Variants in WNT2B observed in about 807,000 individuals in gnomAD.
WNT2B encodes Wnt family member 2B.
A neutral mutation model predicts 40.5 loss-of-function variants in WNT2B; 19 were observed. The ratio of observed to expected loss-of-function variants is 0.47; its 90% CI spans 0.33 to 0.69. The LOEUF (loss-of-function observed/expected upper bound fraction) is 0.69. Among genes scored for constraint, WNT2B ranks in the 30% least tolerant of loss-of-function variants. WNT2B has a pLI of 0.02. For synonymous variants in WNT2B, 220 were observed against 211.9 expected (o/e 1.04, Z -0.33); for missense variants, 467 against 556.4 (o/e 0.84, Z 1.62).
chr1:112,487,129 A>G (rs541584098), intron 1 of WNT2B, among the ~76,000 whole-genome samples: 1 of 152,382 alleles, frequency 6.6e-6, no homozygotes, highest in Non-Finnish European at 1.5e-5. Flanking sequence ...ATGGAATACT[A>G]TTCAACAATA....
Position 112,525,797 on chromosome 1 carries a change from G to A in WNT2B, c.*5288G>A, listed in dbSNP as rs534800096. On this transcript the variant is annotated 3_prime_UTR_variant, in exon 5 of 5. Coordinates refer to ENST00000369684, the MANE Select transcript of WNT2B (RefSeq NM_024494.3). ...AGGCTAAGCTGAATGAAGAAAAAAGGAAGACAATTTCATCTACAGTTGTCC... is the reference window on the plus strand; with the variant it reads ...AGGCTAAGCTGAATGAAGAAAAAAGAAAGACAATTTCATCTACAGTTGTCC... 9 of 548,260 alleles carry A rather than the reference G, an allele frequency of 1.6e-5. No homozygotes were observed. Among genetic ancestry groups the A allele is most frequent in the Middle Eastern group, 9.7e-4 (2 of 2,052 alleles). 34.0% of individuals were successfully genotyped at this position (548,260 alleles called of 1,614,324 possible).
upstream of WNT2B, among the ~76,000 whole-genome samples, chr1:112,505,998 A>AT (rs963556467): frequency 1.2e-4 from 18 of 151,682 alleles, no homozygotes; most frequent in Non-Finnish European, 2.1e-4. Flanking sequence ...ATGCTTTAAA[A>AT]TTTTTTTTAT....
Position 112,484,246 on chromosome 1 carries a change from C to CATATATATACATAT in WNT2B, c.-95+16666_-95+16667insTATATATATATACA, listed in dbSNP as rs1651332611. ...ATATATATATACACATATATATACA[C>CATATATATACATAT]ATATATATACACATATATATATACA... On this transcript the variant is annotated intron_variant, in intron 1 of 4. Transcript: ENST00000256640. 1.5e-3 allele frequency among the ~76,000 whole-genome samples: 179 copies of CATATATATACATAT among 116,712 alleles called. 2 individuals are homozygous for CATATATATACATAT. The highest frequency in any genetic ancestry group is 7.0e-3 in the African/African-American group (170 of 24,238). The allele number at this position is 116,712 out of a possible 152,430, so 76.6% of individuals were successfully genotyped here.
chr1:112,482,894 C>T (rs1486861639), intron 1 of WNT2B, among the ~76,000 whole-genome samples: 2 of 152,158 alleles, frequency 1.3e-5, no homozygotes, highest in Non-Finnish European at 2.9e-5. Context: ...AACGCCATCC[C>T]TATCAAAATC....
At chr1:112,494,477 T>A (rs977578292) in intron 1 of WNT2B, among the ~76,000 whole-genome samples, 4 of 151,388 alleles carry the variant, frequency 2.6e-5, no homozygotes, top group Non-Finnish European at 5.9e-5. Context: ...CCAGCAATCA[T>A]CCTGCCTCAG....
rs1308043578 is a variant in WNT2B at position 112,509,283 on chromosome 1, G to A, written c.21G>A (p.Ala7=). MLRPGG[A]EEAAQLPLRR... ...GAGCTATGCTGAGACCGGGTGGTGC[G>A]GAGGAAGCTGCGCAGCTCCCGCTTC... The change falls in exon 1 of 5, where the codon GCG becomes GCA. Residue 7 remains alanine (A), a synonymous_variant. Coordinates refer to ENST00000369684, the MANE Select transcript of WNT2B (RefSeq NM_024494.3). The surrounding 1 kb of genome is among the most constrained non-coding windows in gnomAD (Gnocchi z 4.2). 6.5e-7 allele frequency: 1 copy of A among 1,539,686 alleles called. No individual in the cohort carries two copies. Among genetic ancestry groups the A allele is most frequent in the East Asian group, 2.5e-5 (1 of 40,474 alleles).
chr1:112,484,342 C>T (rs1430523744), intron 1 of WNT2B, among the ~76,000 whole-genome samples: 1 of 148,908 alleles, frequency 6.7e-6, no homozygotes, highest in Non-Finnish European at 1.5e-5. Flanking sequence ...TCACTTGTCA[C>T]CCAGGCTGGA....
intron 1 of WNT2B, among the ~76,000 whole-genome samples, chr1:112,512,401 G>A (rs3790608): frequency 0.13 from 19,915 of 152,202 alleles, 1,424 homozygotes; most frequent in South Asian, 0.15. Context: ...ATTCTGTTAC[G>A]GTAGGCCTTG....
Position 112,509,272 on chromosome 1 carries a change from C to T in WNT2B, c.10C>T (p.Pro4Ser). 6.5e-7 allele frequency: 1 copy of T among 1,532,044 alleles called. No homozygotes were observed. Among genetic ancestry groups the T allele is most frequent in the East Asian group, 2.5e-5 (1 of 39,866 alleles). 94.9% of individuals were successfully genotyped at this position (1,532,044 alleles called of 1,614,324 possible). The change falls in exon 1 of 5, where the codon CCG (proline) becomes TCG (serine). Residue 4 changes from proline to serine, a missense_variant. Pro to Ser is a moderately conservative substitution (Grantham distance 74). Around this residue, in one of 2 missense-constraint regions of WNT2B, gnomAD observed 137 missense variants for 117.7 expected, o/e 1.16. Transcript: ENST00000369684. The surrounding 1 kb of genome is among the most constrained non-coding windows in gnomAD (Gnocchi z 4.2). MLR[P>S]GGAEEAAQLP... ...GAGTCTTCGGGGAGCTATGCTGAGA[C>T]CGGGTGGTGCGGAGGAAGCTGCGCA...
Position 112,520,658 on chromosome 1 carries a change from G to T in WNT2B, c.*149G>T. The T allele has an allele frequency of 1.2e-6, 1 of 808,582 alleles. No individual in the cohort carries two copies. Among genetic ancestry groups the T allele is most frequent in the South Asian group, 1.8e-5 (1 of 55,962 alleles). 50.1% of individuals were successfully genotyped at this position (808,582 alleles called of 1,614,324 possible). Reference sequence around the variant, plus strand: ...GAGAGTAATCCATAGGGACCATGGTGTCCTGGCTGGTTCCTTAGCCCTGGG... The same window carrying T: ...GAGAGTAATCCATAGGGACCATGGTTTCCTGGCTGGTTCCTTAGCCCTGGG... On this transcript the variant is annotated 3_prime_UTR_variant, in exon 5 of 5. Coordinates refer to ENST00000369684, the MANE Select transcript of WNT2B (RefSeq NM_024494.3).
intron 1 of WNT2B, among the ~76,000 whole-genome samples, chr1:112,477,368 A>T (rs572613435): frequency 6.6e-6 from 1 of 152,344 alleles, no homozygotes; most frequent in South Asian, 2.1e-4. Flanking sequence ...CAGCATCTTC[A>T]TGCCCACTTA....
At chr1:112,489,372 A>G (rs923837380) in intron 1 of WNT2B, among the ~76,000 whole-genome samples, 3 of 152,066 alleles carry the variant, frequency 2.0e-5, no homozygotes, top group African/African-American at 7.2e-5. Flanking sequence ...CAGCATGGCC[A>G]ACATGGTGAA....
At chr1:112,485,460 C>CA (rs55872721) in intron 1 of WNT2B, among the ~76,000 whole-genome samples, 4,098 of 129,048 alleles carry the variant, frequency 0.032, 172 homozygotes, top group African/African-American at 0.11. Context: ...GACTCTGTCT[C>CA]AAAAAAAAAA....
intron 1 of WNT2B, among the ~76,000 whole-genome samples, chr1:112,495,983 G>A (rs2101068871): frequency 6.6e-6 from 1 of 152,224 alleles, no homozygotes; most frequent in South Asian, 2.1e-4. Context: ...CCTTATATAA[G>A]GGCATCTAAT....
intron 1 of WNT2B, among the ~76,000 whole-genome samples, chr1:112,512,832 G>A (rs1476191216): frequency 6.6e-6 from 1 of 152,216 alleles, no homozygotes; most frequent in African/African-American, 2.4e-5. Context: ...GACTACTGGA[G>A]AGCAAGCAAG....
At chr1:112,500,117 C>T (rs895035850) in intron 1 of WNT2B, among the ~76,000 whole-genome samples, 15 of 152,100 alleles carry the variant, frequency 9.9e-5, no homozygotes, top group Admixed American at 2.6e-4. Context: ...ATCACAGTAA[C>T]GGATAAGATT....
At chr1:112,467,701 AGTAT>A in intron 1 of WNT2B, 1 of 663,998 alleles carries the variant, frequency 1.5e-6, no homozygotes. Flanking sequence ...TCATATACGT[AGTAT>A]GTATAATGGT....
chr1:112,467,533 C>T (rs374777255), exon 1 of WNT2B: 18 of 780,754 alleles, frequency 2.3e-5, no homozygotes, highest in South Asian at 4.0e-5. Flanking sequence ...ATCACACTTT[C>T]CCACATGTTG....
upstream of WNT2B, chr1:112,508,891 A>G: frequency 3.9e-6 from 4 of 1,038,764 alleles, no homozygotes; most frequent in South Asian, 4.5e-5. The surrounding 1 kb of genome is among the most constrained non-coding windows in gnomAD (Gnocchi z 4.2). Flanking sequence ...AGCCGCCCTA[A>G]GGGCCGCGCG....
Sources: gnomAD v4.1 joint callset for allele counts (sites outside exome capture counted in the v4.1 genomes callset) on GRCh38, gnomAD v4.1.1 for gene constraint, gnomAD v4.1.1 regional missense constraint, Gnocchi (gnomAD v3.1) non-coding constraint, MANE v1.5 for transcripts, NCBI Gene and HGNC (gene_info 2026-07-23, HGNC 2026-07-21) for gene names.